Variants in PSD2 observed in about 807,000 individuals in gnomAD.
The protein encoded by PSD2 is PH and SEC7 domain-containing protein 2.
A neutral mutation model predicts 69.8 loss-of-function variants in PSD2; 38 were observed. The ratio of observed to expected loss-of-function variants is 0.54; its 90% CI spans 0.42 to 0.71. The LOEUF (loss-of-function observed/expected upper bound fraction) is 0.71. Among genes scored for constraint, PSD2 ranks in the 30% least tolerant of loss-of-function variants. The probability of loss-of-function intolerance (pLI) is 0.00; values close to 1 mark genes in which losing one functional copy is unlikely to be tolerated. For missense variants in PSD2, 943 were observed against 1,014.5 expected (o/e 0.93, Z 0.96); for synonymous variants, 412 against 423.0 (o/e 0.97, Z 0.32).
At chr5:139,765,832 A>G in the PSD2 span, among the ~76,000 whole-genome samples, 2 of 151,942 alleles carry the variant, frequency 1.3e-5, no homozygotes, top group African/African-American at 4.8e-5. Flanking sequence ...GTCCGCCGCC[A>G]CCGCCGCCGT....
At chr5:139,822,053 A>C (rs745843129) in intron 6 of PSD2, 48 bp downstream of exon 6, 1 of 1,273,262 alleles carries the variant, frequency 7.9e-7, no homozygotes. Context: ...CCACTCAGCC[A>C]GGCCCTGGTC....
At chr5:139,776,685 T>TC in the PSD2 span, among the ~76,000 whole-genome samples, 273 of 149,936 alleles carry the variant, frequency 1.8e-3, no homozygotes, top group African/African-American at 5.5e-3. Flanking sequence ...TTTTTTTTTT[T>TC]CCAGATAGGG....
chr5:139,767,642 C>T, the PSD2 span, among the ~76,000 whole-genome samples: 3 of 152,138 alleles, frequency 2.0e-5, no homozygotes, highest in African/African-American at 7.2e-5. Context: ...CATCAGTTTT[C>T]TTATTTATAA....
rs34206173 is a variant in PSD2, at chr5:139,809,644, C to G, written c.204C>G (p.Phe68Leu). Reference protein sequence around the residue: ...EEPTKDPDVAFHGLSLGLSLT... With the variant: ...EEPTKDPDVALHGLSLGLSLT... ...CCACGAAGGACCCAGATGTGGCCTT[C>G]CATGGCCTCAGCCTTGGCCTCTCTC... is the stretch of plus-strand genomic sequence containing the variant. Residue 68 changes from phenylalanine (F) to leucine (L), a missense_variant, in exon 2 of 15, where the codon TTC becomes TTG. This residue lies in a region of PSD2 where 466 missense variants were observed against 445.0 expected (regional missense o/e 1.05). Coordinates refer to ENST00000274710, the MANE Select transcript of PSD2 (RefSeq NM_032289.4). 689 of 1,614,274 alleles carry G rather than the reference C, an allele frequency of 4.3e-4. 6 individuals carry two copies. The African/African-American group carries it at 8.0e-3, about 19-fold the overall frequency.
the PSD2 span, among the ~76,000 whole-genome samples, chr5:139,755,253 CT>C: frequency 6.6e-6 from 1 of 152,162 alleles, no homozygotes; most frequent in African/African-American, 2.4e-5. Flanking sequence ...TCAACCCAGT[CT>C]TGGGCTCTCG....
At chr5:139,836,761 C>CG (rs750028940) in intron 9 of PSD2, 50 bp from the exon 10 acceptor site, 1 of 1,550,406 alleles carries the variant, frequency 6.4e-7, no homozygotes, top group Non-Finnish European at 8.9e-7. Context: ...CATGACGATG[C>CG]GGGGCCGAGG....
intron 9 of PSD2, 98 bp downstream of exon 9, chr5:139,835,864 C>T: frequency 8.6e-7 from 1 of 1,169,374 alleles, no homozygotes; most frequent in Non-Finnish European, 1.3e-6. Context: ...CTCCATGGTG[C>T]TGATCCCTCC....
intron 1 of PSD2, among the ~76,000 whole-genome samples, chr5:139,800,501 A>G (rs1347629775): frequency 6.6e-6 from 1 of 152,140 alleles, no homozygotes; most frequent in East Asian, 1.9e-4. Context: ...ACCTCAAGTG[A>G]TCCGCCCTCC....
At chr5:139,752,226 A>G in the PSD2 span, among the ~76,000 whole-genome samples, 19 of 150,748 alleles carry the variant, frequency 1.3e-4, no homozygotes, top group East Asian at 3.7e-3. Flanking sequence ...TCTGGCTCTC[A>G]CTCTCTCTCT....
Position 139,836,791 on chromosome 5 carries a change from C to T in PSD2, c.1404-20C>T. 6.2e-7 allele frequency: 1 copy of T among 1,606,878 alleles called. No individual in the cohort carries two copies. Among genetic ancestry groups the T allele is most frequent in the South Asian group, 1.1e-5 (1 of 90,668 alleles). Reference sequence around the variant, plus strand: ...CCGAGGCCTCCCTGGAGGTGGTGCTCAGGCCTAGTACTTCCCTAGTGATGA... The same window carrying T: ...CCGAGGCCTCCCTGGAGGTGGTGCTTAGGCCTAGTACTTCCCTAGTGATGA... On this transcript the variant is annotated intron_variant, in intron 9 of 14. Transcript: ENST00000274710.
At chr5:139,836,749 G>T in intron 9 of PSD2, 62 bp from the exon 10 acceptor site, 1 of 1,481,182 alleles carries the variant, frequency 6.8e-7, no homozygotes. Context: ...GTGGGGAAAG[G>T]CCATGACGAT....
At chr5:139,822,599 C>G (rs1439678798) in intron 6 of PSD2, 127 bp from the exon 7 acceptor site, 13 of 716,690 alleles carry the variant, frequency 1.8e-5, no homozygotes, top group Non-Finnish European at 2.5e-5. Flanking sequence ...GCCCTGTCCC[C>G]TGAGGTGAGT....
intron 1 of PSD2, among the ~76,000 whole-genome samples, chr5:139,809,074 C>T (rs1759883435): frequency 6.6e-6 from 1 of 152,206 alleles, no homozygotes; most frequent in South Asian, 2.1e-4. Context: ...TCTCCACTTC[C>T]TCCCCACCTG....
chr5:139,837,671 A>G lies in PSD2; in HGVS notation c.1712A>G (p.Asn571Ser). 1 of 1,613,956 alleles carries G rather than the reference A, an allele frequency of 6.2e-7. No individual in the cohort carries two copies. Among genetic ancestry groups the G allele is most frequent in the Non-Finnish European group, 8.5e-7 (1 of 1,179,854 alleles). Residue 571 changes from asparagine to serine, a missense_variant, in exon 12 of 15, where the codon AAC (asparagine) becomes AGC (serine). By Grantham distance (46) the Asn-to-Ser change is conservative (BLOSUM62 1). Coordinates refer to ENST00000274710, the MANE Select transcript of PSD2 (RefSeq NM_032289.4). This position sits in a 1 kb window ranked among gnomAD's most constrained non-coding sequence, Gnocchi z 5.0. ...DKALSEGDLK[N>S]AIRVHHALAT... ...GCTCTATCGGAGGGTGACCTGAAGA[A>G]CGCCATTCGCGTGCATCACGCTCTG...
the PSD2 span, among the ~76,000 whole-genome samples, chr5:139,774,642 C>T: frequency 6.6e-6 from 1 of 152,156 alleles, no homozygotes; most frequent in African/African-American, 2.4e-5. Context: ...AGGAGCCCAC[C>T]ACCACGCCCG....
intron 7 of PSD2, among the ~76,000 whole-genome samples, chr5:139,830,565 C>CCTTCCTTCCTTCCTTTCTTTCTTTCTTT (rs1554096354): frequency 8.3e-6 from 1 of 120,420 alleles, no homozygotes; most frequent in African/African-American, 3.7e-5. Context: ...TTCCTTCCTT[C>CCTTCCTTCCTTCCTTTCTTTCTTTCTTT]CTTTCTTTCT....
Position 139,842,322 on chromosome 5 carries a change from G to A in PSD2, c.2164G>A (p.Gly722Ser). 6.2e-7 allele frequency: 1 copy of A among 1,614,166 alleles called. No homozygotes were observed. The highest frequency in any genetic ancestry group is 8.5e-7 in the Non-Finnish European group (1 of 1,180,030). ...CCTCCTGGCTATGAAAATCAAAGTG[G>A]GCTCAGATGATCTGGAGCGGATTGA... Reference protein sequence around the residue: ...IHLLAMKIKVGSDDLERIEAR... With the variant: ...IHLLAMKIKVSSDDLERIEAR... Residue 722 changes from glycine to serine, a missense_variant, in exon 15 of 15, where the codon GGC becomes AGC. By Grantham distance (56) the Gly-to-Ser change is moderately conservative (BLOSUM62 0). Transcript: ENST00000274710.
At chr5:139,778,180 C>T in the PSD2 span, among the ~76,000 whole-genome samples, 1 of 152,146 alleles carries the variant, frequency 6.6e-6, no homozygotes, top group South Asian at 2.1e-4. Flanking sequence ...AGTGTGGTTC[C>T]CAAGGGACAG....
At chr5:139,833,953 C>T (rs1192147275) in intron 8 of PSD2, among the ~76,000 whole-genome samples, 162 bp downstream of exon 8, 2 of 152,210 alleles carry the variant, frequency 1.3e-5, no homozygotes, top group East Asian at 1.9e-4. Flanking sequence ...TTTGGCTGTT[C>T]TGTGTTCCCT....
Sources: allele counts gnomAD v4.1 joint callset (sites outside exome capture counted in the v4.1 genomes callset), GRCh38; gene constraint gnomAD v4.1.1; regional missense constraint gnomAD v4.1.1; non-coding constraint Gnocchi (gnomAD v3.1); transcripts MANE v1.5; gene names NCBI Gene and HGNC (gene_info 2026-07-23, HGNC 2026-07-21).